The following LAMP2 variants were observed in gnomAD, a reference collection of about 807,000 sequenced individuals.
The protein encoded by LAMP2 is lysosome-associated membrane glycoprotein 2.
Under a neutral mutation model 25.6 loss-of-function variants are expected in LAMP2, and 4 were observed. That is an observed-to-expected ratio of 0.16 (90% CI 0.08 to 0.36). LAMP2 has a LOEUF of 0.36. LAMP2 is among the 10% of genes least tolerant of loss of function. The probability of loss-of-function intolerance (pLI) is 1.00; values close to 1 mark genes in which losing one functional copy is unlikely to be tolerated. For synonymous variants in LAMP2, 108 were observed against 112.7 expected, an observed-to-expected ratio of 0.96 and a Z score of 0.27; for missense variants, 272 against 301.4, an observed-to-expected ratio of 0.90 and a Z score of 0.72.
At chrX:120,438,983 T>C in intron 8 of LAMP2, 3 of 1,049,507 alleles carry the variant, frequency 2.9e-6, no homozygotes, top group Non-Finnish European at 3.7e-6. Flanking sequence ...AAAACCAAAG[T>C]CAGGCAACTA....
rs1219521665 is a variant in LAMP2, at chrX:120,426,662, T to C, written c.*4661A>G. 8.9e-6 allele frequency among the ~76,000 whole-genome samples: 1 copy of C among 111,916 alleles called. No individual in the cohort carries two copies. Among genetic ancestry groups the C allele is most frequent in the Non-Finnish European group, 1.9e-5 (1 of 53,105 alleles). On this transcript the variant is annotated 3_prime_UTR_variant, in exon 9 of 9. Coordinates refer to ENST00000200639, the MANE Select transcript of LAMP2 (RefSeq NM_002294.3). Reference sequence around the variant, plus strand: ...GTATCTGAATTTCCAGTTTATATGCTTAGCAAGGTCACAAGCTGATTTTAT... The same window carrying C: ...GTATCTGAATTTCCAGTTTATATGCCTAGCAAGGTCACAAGCTGATTTTAT...
chrX:120,464,986 G>C (rs1268044385), intron 1 of LAMP2, among the ~76,000 whole-genome samples: 2 of 111,247 alleles, frequency 1.8e-5, no homozygotes, highest in Non-Finnish European at 1.9e-5. Flanking sequence ...CAGGTGATTT[G>C]CCCACCTTGA....
rs916102893 is a variant in LAMP2, at chrX:120,466,840, C to CTT, written c.64+2264_64+2265dup. Among the ~76,000 whole-genome samples, 772 of 81,455 alleles carry CTT rather than the reference C, an allele frequency of 9.5e-3. 11 individuals carry two copies. The highest frequency in any genetic ancestry group is 0.036 in the African/African-American group (634 of 17,820). 70.7% of individuals were successfully genotyped at this position (81,455 alleles called of 115,157 possible). Reference sequence around the variant, plus strand: ...GAAAAGGACAAAGGACAAATAACTTCTTTTTTTTTTTTTTTTTTTGAGACA... The same window carrying CTT: ...GAAAAGGACAAAGGACAAATAACTTCTTTTTTTTTTTTTTTTTTTTTGAGACA... On this transcript the variant is annotated intron_variant, in intron 1 of 8. Coordinates refer to ENST00000200639, the MANE Select transcript of LAMP2 (RefSeq NM_002294.3).
rs1921672421 is a variant in LAMP2 at position 120,469,200 on chromosome X, A to G, written c.-31T>C. ...CGCAGAGCAGGCGGCGACGGCGGCG[A>G]CGGCGGCGGTACAACAACAGCTGCA... is the stretch of plus-strand genomic sequence containing the variant. On this transcript the variant is annotated 5_prime_UTR_variant, in exon 1 of 9. Transcript: ENST00000200639. 1 of 1,184,888 alleles carries G rather than the reference A, an allele frequency of 8.4e-7. No homozygotes were observed. Among genetic ancestry groups the G allele is most frequent in the East Asian group, 3.0e-5 (1 of 33,785 alleles).
Position 120,428,432 on chromosome X carries a change from T to C in LAMP2, c.*2891A>G, listed in dbSNP as rs780055219. 13 of 1,134,762 alleles carry C rather than the reference T, an allele frequency of 1.1e-5. No homozygotes were observed. Among genetic ancestry groups the C allele is most frequent in the Admixed American group, 6.3e-5 (2 of 31,958 alleles). 93.5% of individuals were successfully genotyped at this position (1,134,762 alleles called of 1,213,427 possible). On this transcript the variant is annotated 3_prime_UTR_variant, in exon 9 of 9. Coordinates refer to ENST00000200639, the MANE Select transcript of LAMP2 (RefSeq NM_002294.3). ...ACAGCATGTCCTGGCTTTTAGCCAATGGAAACGTAACTTCTAATTGAAAAA... is the reference window on the plus strand; with the variant it reads ...ACAGCATGTCCTGGCTTTTAGCCAACGGAAACGTAACTTCTAATTGAAAAA...
intron 1 of LAMP2, among the ~76,000 whole-genome samples, chrX:120,458,873 C>A (rs1254808386): frequency 9.0e-6 from 1 of 111,453 alleles, no homozygotes; most frequent in South Asian, 3.7e-4. Flanking sequence ...TCACCCCACA[C>A]CTAAATTATG....
intron 8 of LAMP2, chrX:120,439,396 T>C: frequency 1.3e-6 from 1 of 783,026 alleles, no homozygotes; most frequent in Non-Finnish European, 2.0e-6. Flanking sequence ...TCTTACAAGA[T>C]CAACTTCAAG....
Position 120,428,253 on chromosome X carries a change from G to T in LAMP2, c.*3070C>A. 1 of 290,921 alleles carries T rather than the reference G, an allele frequency of 3.4e-6. No homozygotes were observed. 24.0% of individuals were successfully genotyped at this position (290,921 alleles called of 1,213,427 possible). A position where few individuals can be genotyped will look rare whatever the true frequency, so the allele number is the denominator to read the frequency against. On this transcript the variant is annotated 3_prime_UTR_variant, in exon 9 of 9. Coordinates refer to ENST00000200639, the MANE Select transcript of LAMP2 (RefSeq NM_002294.3). ...TCATTATTTACTTAAAAAATTCTAAGCCACAATTTTTCTTTTAATTATACT... is the reference window on the plus strand; with the variant it reads ...TCATTATTTACTTAAAAAATTCTAATCCACAATTTTTCTTTTAATTATACT...
intron 8 of LAMP2, chrX:120,438,749 C>A: frequency 1.3e-6 from 1 of 785,586 alleles, no homozygotes; most frequent in Non-Finnish European, 1.5e-6. Context: ...GCAAAAGGAG[C>A]AAGTACAAAT....
chrX:120,450,917 C>T (rs150501059), intron 3 of LAMP2, among the ~76,000 whole-genome samples: 1,389 of 108,848 alleles, frequency 0.013, 33 homozygotes, highest in African/African-American at 0.041. Context: ...TTATTATATA[C>T]GTAACTTATA....
intron 3 of LAMP2, among the ~76,000 whole-genome samples, chrX:120,453,664 C>G (rs144871670): frequency 9.0e-6 from 1 of 111,201 alleles, no homozygotes; most frequent in Admixed American, 9.5e-5. Context: ...AAAGATTAGC[C>G]GGGCGTGGTG....
At chrX:120,441,963 G>T in intron 7 of LAMP2, 69 bp from the exon 8 acceptor site, 1 of 990,770 alleles carries the variant, frequency 1.0e-6, no homozygotes, top group Non-Finnish European at 1.4e-6. Flanking sequence ...AGTTGGCCAG[G>T]CACAGTGGCT....
intron 8 of LAMP2, among the ~76,000 whole-genome samples, chrX:120,431,768 G>A (rs765587787): frequency 8.9e-6 from 1 of 112,283 alleles, no homozygotes; most frequent in East Asian, 2.8e-4. Context: ...AATTAGCCTT[G>A]CCTTGATGAT....
intron 1 of LAMP2, 68 bp from the exon 2 acceptor site, chrX:120,456,837 T>C: frequency 1.7e-6 from 1 of 602,245 alleles, no homozygotes; most frequent in Non-Finnish European, 2.6e-6. Context: ...AAAAACAAGC[T>C]CTACCCACCA....
chrX:120,464,453 G>A (rs748346485), intron 1 of LAMP2, among the ~76,000 whole-genome samples: 18 of 111,562 alleles, frequency 1.6e-4, no homozygotes, highest in Non-Finnish European at 3.0e-4. Context: ...ACATAAGATC[G>A]TCTCTGCTCT....
Position 120,431,438 on chromosome X carries a change from T to C in LAMP2, c.1118A>G (p.Asp373Gly), listed in dbSNP as rs769995100. Residue 373 changes from aspartate to glycine, a missense_variant, in exon 9 of 9, where the codon GAC becomes GGC. Asp to Gly is a moderately conservative substitution (Grantham distance 94). Coordinates refer to ENST00000200639, the MANE Select transcript of LAMP2 (RefSeq NM_002294.3). ...STAQDCSADD[D>G]NFLVPIAVGA... ...CACCGCTATGGGCACAAGGAAGTTGTCGTCATCTGCACTGCAGTCTTGAGC... is the reference window on the plus strand; with the variant it reads ...CACCGCTATGGGCACAAGGAAGTTGCCGTCATCTGCACTGCAGTCTTGAGC... 1 of 1,210,656 alleles carries C rather than the reference T, an allele frequency of 8.3e-7. No homozygotes were observed.
chrX:120,464,769 G>C (rs1204206567), intron 1 of LAMP2, among the ~76,000 whole-genome samples: 1 of 111,300 alleles, frequency 9.0e-6, no homozygotes, highest in African/African-American at 3.3e-5. Context: ...GTTTTGTTTT[G>C]AGACAGAGTT....
At chrX:120,438,736 A>AAAAAT (rs2147277184) in intron 8 of LAMP2, 1 of 808,111 alleles carries the variant, frequency 1.2e-6, no homozygotes, top group East Asian at 1.1e-4. Context: ...ACACACAAAA[A>AAAAAT]GAGCAAAAGG....
intron 1 of LAMP2, among the ~76,000 whole-genome samples, chrX:120,458,496 G>C (rs760620500): frequency 1.8e-5 from 2 of 111,406 alleles, no homozygotes; most frequent in Non-Finnish European, 3.8e-5. Context: ...CTGGTGGCCC[G>C]TAAACAAGAG....
Sources: gnomAD v4.1 joint callset for allele counts (sites outside exome capture counted in the v4.1 genomes callset) on GRCh38, gnomAD v4.1.1 for gene constraint, MANE v1.5 for transcripts, NCBI Gene and HGNC (gene_info 2026-07-23, HGNC 2026-07-21) for gene names.